Variants in SLC45A4 observed in about 807,000 individuals in gnomAD.
SLC45A4 encodes solute carrier family 45 member 4, also known as polyamine-transporter SLC45A4.
Under a neutral mutation model 63.7 loss-of-function variants are expected in SLC45A4, and 32 were observed. The observed-to-expected ratio is 0.50, with a 90% CI of 0.38 to 0.67. SLC45A4 has a LOEUF of 0.67. Among genes scored for constraint, SLC45A4 ranks in the 30% least tolerant of loss-of-function variants. The probability of loss-of-function intolerance (pLI) is 0.00; values close to 1 mark genes in which losing one functional copy is unlikely to be tolerated. For missense variants in SLC45A4, 1,027 were observed against 1,157.7 expected (o/e 0.89, Z 1.64); for synonymous variants, 535 against 510.0 (o/e 1.05, Z -0.66).
At chr8:141,293,162 A>G (rs1310375755) in intron 1 of SLC45A4, among the ~76,000 whole-genome samples, 1 of 152,208 alleles carries the variant, frequency 6.6e-6, no homozygotes, top group Non-Finnish European at 1.5e-5. Flanking sequence ...ACAAAGTGAA[A>G]AAGAAAATGC....
chr8:141,235,737 G>A (rs1003563148), intron 2 of SLC45A4, among the ~76,000 whole-genome samples: 10 of 152,298 alleles, frequency 6.6e-5, no homozygotes, highest in Admixed American at 3.3e-4. Context: ...CATTAGTCAC[G>A]TTCTCGAATG....
chr8:141,233,493 C>T (rs1025432365), intron 2 of SLC45A4, among the ~76,000 whole-genome samples: 4 of 152,046 alleles, frequency 2.6e-5, no homozygotes, highest in African/African-American at 9.7e-5. Context: ...ATCAGCCTGG[C>T]CAACATGGTA....
chr8:141,222,904 C>A (rs939979557), intron 2 of SLC45A4, among the ~76,000 whole-genome samples: 1 of 152,224 alleles, frequency 6.6e-6, no homozygotes, highest in Non-Finnish European at 1.5e-5. Flanking sequence ...GCTCCAGTCA[C>A]GCGGTGCCAA....
At chr8:141,300,266 A>G (rs1830699054) in intron 1 of SLC45A4, among the ~76,000 whole-genome samples, 1 of 152,208 alleles carries the variant, frequency 6.6e-6, no homozygotes, top group South Asian at 2.1e-4. Flanking sequence ...CAGGTCCGTC[A>G]AATCTCCTCT....
intron 1 of SLC45A4, among the ~76,000 whole-genome samples, chr8:141,303,152 C>T (rs1042224388): frequency 4.6e-5 from 7 of 151,728 alleles, no homozygotes; most frequent in African/African-American, 1.5e-4. Context: ...TGTGAGACAC[C>T]GCATCCGGCT....
intron 2 of SLC45A4, chr8:141,224,157 G>C (rs775407559): frequency 2.0e-5 from 3 of 152,088 alleles, no homozygotes; most frequent in Non-Finnish European, 4.4e-5. Context: ...CCAGATCTTC[G>C]AAGATGTGAT....
At chr8:141,257,166 C>G (rs532183513) in intron 1 of SLC45A4, among the ~76,000 whole-genome samples, 3 of 152,308 alleles carry the variant, frequency 2.0e-5, no homozygotes, top group African/African-American at 7.2e-5. Context: ...CTATTTCTAA[C>G]ATATGCAAAG....
chr8:141,255,395 A>G (rs1828725980), intron 1 of SLC45A4, among the ~76,000 whole-genome samples: 2 of 152,202 alleles, frequency 1.3e-5, no homozygotes, highest in African/African-American at 4.8e-5. Flanking sequence ...GGGAAACTGT[A>G]GACCCTGCCT....
At chr8:141,295,458 C>T (rs912894315) in intron 1 of SLC45A4, among the ~76,000 whole-genome samples, 1 of 152,194 alleles carries the variant, frequency 6.6e-6, no homozygotes, top group Non-Finnish European at 1.5e-5. Flanking sequence ...CATCACAGGG[C>T]TATTAACATT....
chr8:141,214,700 GA>G, intron 7 of SLC45A4, among the ~76,000 whole-genome samples: 1 of 152,208 alleles, frequency 6.6e-6, no homozygotes, highest in East Asian at 1.9e-4. Context: ...CAAAACTAGT[GA>G]GAGACAGTTG....
intron 1 of SLC45A4, among the ~76,000 whole-genome samples, chr8:141,287,893 G>A (rs533736455): frequency 5.9e-5 from 9 of 152,296 alleles, no homozygotes; most frequent in East Asian, 1.9e-4. Context: ...GGAGGAAGAC[G>A]GGGCTCAGAG....
rs545670282 is a variant in SLC45A4, at chr8:141,276,421, C to T, written c.-400-21792G>A. On this transcript the variant is annotated intron_variant, in intron 1 of 8. Transcript: ENST00000517878. ...AGGGAGAGCAAGTCTGAAAAGCTGACTGCACTGAGGTGCTAGTGGGTCCAG... is the reference window on the plus strand; with the variant it reads ...AGGGAGAGCAAGTCTGAAAAGCTGATTGCACTGAGGTGCTAGTGGGTCCAG... Among the ~76,000 whole-genome samples the T allele has an allele frequency of 3.5e-4, 54 of 152,310 alleles. No individual in the cohort carries two copies. In the South Asian group the frequency reaches 8.7e-3, roughly 25 times the overall value.
chr8:141,302,715 C>A (rs986507576), intron 1 of SLC45A4, among the ~76,000 whole-genome samples: 1 of 152,166 alleles, frequency 6.6e-6, no homozygotes, highest in Non-Finnish European at 1.5e-5. Flanking sequence ...ATTCCTAATT[C>A]ATTCATCACT....
Position 141,214,013 on chromosome 8 carries a change from C to G in SLC45A4, c.1942-1457G>C, listed in dbSNP as rs573015418. On this transcript the variant is annotated intron_variant, in intron 7 of 8. Coordinates refer to ENST00000517878, the MANE Select transcript of SLC45A4 (RefSeq NM_001286646.2). Reference sequence around the variant, plus strand: ...CCTGAGGTCAGGAGTTTGAGACCAGCCTGGCCAACATGGTGAAACTGTCGT... The same window carrying G: ...CCTGAGGTCAGGAGTTTGAGACCAGGCTGGCCAACATGGTGAAACTGTCGT... Among the ~76,000 whole-genome samples, 155 of 152,156 alleles carry G rather than the reference C, an allele frequency of 1.0e-3. 1 individual carries two copies. Among genetic ancestry groups the G allele is most frequent in the African/African-American group, 3.6e-3 (149 of 41,502 alleles).
chr8:141,285,621 A>G (rs1437444943), intron 1 of SLC45A4, among the ~76,000 whole-genome samples: 1 of 152,168 alleles, frequency 6.6e-6, no homozygotes, highest in Admixed American at 6.5e-5. Context: ...CCGTTTAAAC[A>G]TATTTCCCAA....
chr8:141,215,906 C>G lies in SLC45A4; in HGVS notation c.1794G>C (p.Thr598=). 1 of 1,614,104 alleles carries G rather than the reference C, an allele frequency of 6.2e-7. No individual in the cohort carries two copies. The highest frequency in any genetic ancestry group is 8.5e-7 in the Non-Finnish European group (1 of 1,180,006). Residue 598 remains threonine (T), a synonymous_variant, in exon 7 of 9, where the codon ACG becomes ACC. Coordinates refer to ENST00000517878, the MANE Select transcript of SLC45A4 (RefSeq NM_001286646.2). This position sits in a 1 kb window ranked among gnomAD's most constrained non-coding sequence, Gnocchi z 4.3. ...LSVRVIYVLG[T]LGFSVGTAVM... The stretch of plus-strand genomic sequence containing the variant: ...CGGCTGTGCCGACAGAGAAGCCCAG[C>G]GTCCCCAGCACGTAGATCACCCTGA...
rs150427043 is a variant in SLC45A4, at chr8:141,219,704, C to T, written c.556G>A (p.Val186Met). 1.7e-4 allele frequency: 276 copies of T among 1,612,402 alleles called. No individual in the cohort carries two copies. Among genetic ancestry groups the T allele is most frequent in the Non-Finnish European group, 2.3e-4 (267 of 1,179,532 alleles). ...ATGTCCTGCTCCTCGCTGTCCACCACGTCCAGCAGATAGGCACGGATGGGC... is the reference window on the plus strand; with the variant it reads ...ATGTCCTGCTCCTCGCTGTCCACCATGTCCAGCAGATAGGCACGGATGGGC... ...EGPIRAYLLD[V>M]VDSEEQDMAL... Residue 186 changes from valine (V) to methionine (M), a missense_variant, in exon 4 of 9, where the codon GTG becomes ATG. Transcript: ENST00000517878.
chr8:141,284,718 G>T (rs1049886477), intron 1 of SLC45A4, among the ~76,000 whole-genome samples: 4 of 152,178 alleles, frequency 2.6e-5, no homozygotes, highest in Non-Finnish European at 4.4e-5. Context: ...CCTGGGGGAT[G>T]AAACGCCTAC....
At chr8:141,237,168 T>C (rs964652885) in intron 2 of SLC45A4, among the ~76,000 whole-genome samples, 1 of 152,230 alleles carries the variant, frequency 6.6e-6, no homozygotes, top group Admixed American at 6.5e-5. Flanking sequence ...TAAAAACTAC[T>C]GTTACTTTAC....
Sources: gnomAD v4.1 joint callset for allele counts (sites outside exome capture counted in the v4.1 genomes callset) on GRCh38, gnomAD v4.1.1 for gene constraint, Gnocchi (gnomAD v3.1) non-coding constraint, MANE v1.5 for transcripts, NCBI Gene and HGNC (gene_info 2026-07-23, HGNC 2026-07-21) for gene names.